TRAPPC9: variants seen among roughly 807,000 people sequenced by gnomAD.
TRAPPC9 encodes IKK2 binding protein.
TRAPPC9 carries 83 observed loss-of-function variants against 124.0 expected under a neutral mutation model. The ratio of observed to expected loss-of-function variants is 0.67; its 90% CI spans 0.56 to 0.80. The LOEUF is 0.80. Among genes scored for constraint, TRAPPC9 ranks in the 30% least tolerant of loss-of-function variants. TRAPPC9 has a pLI of 0.00. For missense variants in TRAPPC9, 1,302 were observed against 1,508.3 expected, an observed-to-expected ratio of 0.86 and a Z score of 2.27; for synonymous variants, 638 against 617.5, an observed-to-expected ratio of 1.03 and a Z score of -0.49.
At chr8:140,003,430 G>T (rs558468919) in intron 18 of TRAPPC9, among the ~76,000 whole-genome samples, 2 of 151,720 alleles carry the variant, frequency 1.3e-5, no homozygotes, top group Non-Finnish European at 2.9e-5. Flanking sequence ...CCAAAACCTC[G>T]TCTCTGCTAA....
intron 19 of TRAPPC9, among the ~76,000 whole-genome samples, chr8:139,972,348 A>G (rs1365296803): frequency 1.3e-5 from 2 of 152,334 alleles, no homozygotes; most frequent in Non-Finnish European, 2.9e-5. Context: ...GAACAACAAC[A>G]TTTGATACTT....
intron 7 of TRAPPC9, among the ~76,000 whole-genome samples, chr8:140,375,283 C>T (rs1444029740): frequency 6.6e-6 from 1 of 152,138 alleles, no homozygotes; most frequent in Admixed American, 6.6e-5. Flanking sequence ...TGCACAGTCA[C>T]GAAGTCCAAG....
At chr8:139,736,418 G>A (rs759956971) in intron 21 of TRAPPC9, among the ~76,000 whole-genome samples, 17 of 152,194 alleles carry the variant, frequency 1.1e-4, no homozygotes, top group Non-Finnish European at 2.2e-4. Flanking sequence ...GCAAGCAGCC[G>A]TTTCCTTCCT....
intron 17 of TRAPPC9, among the ~76,000 whole-genome samples, chr8:140,081,302 C>T (rs1000340801): frequency 1.3e-4 from 19 of 151,632 alleles, no homozygotes; most frequent in African/African-American, 4.6e-4. Flanking sequence ...TCTTTATTCT[C>T]AGTATTTTGC....
chr8:139,795,007 A>G (rs540570275), intron 21 of TRAPPC9, among the ~76,000 whole-genome samples: 3 of 152,244 alleles, frequency 2.0e-5, no homozygotes, highest in Non-Finnish European at 4.4e-5. Context: ...ACCAGCATTC[A>G]TTAAGCACTT....
intron 18 of TRAPPC9, among the ~76,000 whole-genome samples, chr8:140,015,562 T>A (rs184845251): frequency 5.3e-5 from 8 of 151,926 alleles, no homozygotes; most frequent in Admixed American, 4.6e-4. Context: ...CCGAGGTGGG[T>A]GGATCACTTG....
chr8:139,951,212 T>C (rs1017820648), intron 19 of TRAPPC9, among the ~76,000 whole-genome samples: 1 of 152,162 alleles, frequency 6.6e-6, no homozygotes, highest in Non-Finnish European at 1.5e-5. Flanking sequence ...CCTACTCCTA[T>C]AGGGGCTTGA....
At chr8:139,915,762 C>T (rs933562318) in intron 19 of TRAPPC9, among the ~76,000 whole-genome samples, 4 of 152,200 alleles carry the variant, frequency 2.6e-5, no homozygotes, top group Non-Finnish European at 5.9e-5. Context: ...TGTCTGCTAA[C>T]CCAGAGAGCA....
chr8:139,918,323 G>A (rs900284398), intron 19 of TRAPPC9, among the ~76,000 whole-genome samples: 3 of 152,206 alleles, frequency 2.0e-5, no homozygotes, highest in Admixed American at 2.0e-4. Context: ...CTGCTTCCTC[G>A]ATCTGTCAGC....
chr8:139,896,110 T>C (rs981928997), intron 20 of TRAPPC9, among the ~76,000 whole-genome samples: 3 of 152,256 alleles, frequency 2.0e-5, no homozygotes, highest in African/African-American at 7.2e-5. Flanking sequence ...GCTAATTACC[T>C]GCATGCATAT....
At chr8:140,430,687 G>A (rs1383449918) in intron 4 of TRAPPC9, among the ~76,000 whole-genome samples, 1 of 152,228 alleles carries the variant, frequency 6.6e-6, no homozygotes, top group Non-Finnish European at 1.5e-5. Flanking sequence ...AGCCCAGGCT[G>A]GAGTGCAGTG....
intron 21 of TRAPPC9, among the ~76,000 whole-genome samples, chr8:139,819,219 T>C (rs543007466): frequency 6.6e-6 from 1 of 152,292 alleles, no homozygotes; most frequent in South Asian, 2.1e-4. Flanking sequence ...TAATGCCTTA[T>C]GATCTGTCAC....
rs376735305 is a variant in TRAPPC9 at position 140,283,967 on chromosome 8, G to A, written c.2036C>T (p.Pro679Leu). Residue 679 changes from proline (P) to leucine (L), a missense_variant, in exon 14 of 23, where the codon CCG becomes CTG. This residue lies in a region of TRAPPC9 where 640 missense variants were observed against 679.3 expected (regional missense o/e 0.94). Transcript: ENST00000438773. The part of the protein sequence containing the change: ...VFSDCLLDNL[P>L]GIKTSGSTVE... ...TGTGGAGCCACTGGTTTTTATTCCCGGCAGGTTATCCAGCAAACAGTCACT... is the reference window on the plus strand; with the variant it reads ...TGTGGAGCCACTGGTTTTTATTCCCAGCAGGTTATCCAGCAAACAGTCACT... The A allele has an allele frequency of 1.7e-5, 28 of 1,614,026 alleles. No individual in the cohort carries two copies. Among genetic ancestry groups the A allele is most frequent in the East Asian group, 4.5e-5 (2 of 44,896 alleles).
At chr8:140,413,902 A>C (rs537363830) in intron 5 of TRAPPC9, among the ~76,000 whole-genome samples, 1 of 151,510 alleles carries the variant, frequency 6.6e-6, no homozygotes, top group Non-Finnish European at 1.5e-5. Flanking sequence ...TCTTAATCCA[A>C]TCTATCATTG....
chr8:140,265,334 C>T (rs1047180001), intron 15 of TRAPPC9, among the ~76,000 whole-genome samples: 7 of 152,164 alleles, frequency 4.6e-5, no homozygotes, highest in African/African-American at 1.2e-4. Flanking sequence ...TTAAGAGTGA[C>T]GTATTCAAAT....
chr8:140,108,912 C>T (rs1377750350), intron 17 of TRAPPC9, among the ~76,000 whole-genome samples: 1 of 152,162 alleles, frequency 6.6e-6, no homozygotes, highest in Admixed American at 6.5e-5. Flanking sequence ...AACCACTATC[C>T]AGAGGGGAGA....
At chr8:140,264,083 T>C (rs1277539718) in intron 15 of TRAPPC9, among the ~76,000 whole-genome samples, 1 of 152,208 alleles carries the variant, frequency 6.6e-6, no homozygotes, top group Non-Finnish European at 1.5e-5. Context: ...TGATTATTTT[T>C]AAGAAAAGAA....
At chr8:140,265,811 A>G (rs2064631943) in intron 15 of TRAPPC9, among the ~76,000 whole-genome samples, 2 of 152,254 alleles carry the variant, frequency 1.3e-5, no homozygotes, top group African/African-American at 4.8e-5. Context: ...GTAAGAAGCC[A>G]TTAATATTAG....
intron 7 of TRAPPC9, 135 bp from the exon 8 acceptor site, chr8:140,371,315 G>C (rs762428066): frequency 5.9e-6 from 6 of 1,013,630 alleles, no homozygotes; most frequent in Non-Finnish European, 8.9e-6. Context: ...GGAAAGCCTG[G>C]TGAGCAGCGC....
Sources: allele counts gnomAD v4.1 joint callset (sites outside exome capture counted in the v4.1 genomes callset), GRCh38; gene constraint gnomAD v4.1.1; regional missense constraint gnomAD v4.1.1; transcripts MANE v1.5; gene names NCBI Gene and HGNC (gene_info 2026-07-23, HGNC 2026-07-21).